AUTS2: variants seen among roughly 807,000 people sequenced by gnomAD.
AUTS2 encodes the protein activator of transcription and developmental regulator AUTS2, also known as autism susceptibility gene 2 protein.
Under a neutral mutation model 112.4 loss-of-function variants are expected in AUTS2, and 17 were observed. That is an observed-to-expected ratio of 0.15 (90% CI 0.10 to 0.23). The LOEUF is 0.23. Ranked by LOEUF, AUTS2 falls within the 10% of genes least tolerant of loss-of-function variation. The probability of loss-of-function intolerance (pLI) is 1.00; values close to 1 mark genes in which losing one functional copy is unlikely to be tolerated. For synonymous variants in AUTS2, 751 were observed against 702.7 expected, an observed-to-expected ratio of 1.07 and a Z score of -1.09; for missense variants, 1,510 against 1,701.6, an observed-to-expected ratio of 0.89 and a Z score of 1.98.
intron 1 of AUTS2, among the ~76,000 whole-genome samples, chr7:69,671,712 T>G (rs1796338181): frequency 6.6e-6 from 1 of 152,184 alleles, no homozygotes; most frequent in African/African-American, 2.4e-5. Context: ...GACAATTAGT[T>G]TTGTCTCTCT....
chr7:69,713,210 TCATA>T (rs1562829626), intron 1 of AUTS2, among the ~76,000 whole-genome samples: 1 of 152,190 alleles, frequency 6.6e-6, no homozygotes, highest in Non-Finnish European at 1.5e-5. Context: ...ATCTACCACC[TCATA>T]CATTTATCGT....
intron 10 of AUTS2, chr7:70,771,255 A>G (rs1790318260): frequency 4.7e-6 from 1 of 212,284 alleles, no homozygotes; most frequent in African/African-American, 2.3e-5. Flanking sequence ...ATCTCCAATC[A>G]TTTAGGACTT....
intron 5 of AUTS2, among the ~76,000 whole-genome samples, chr7:70,616,668 A>C (rs1804383965): frequency 6.6e-6 from 1 of 152,132 alleles, no homozygotes; most frequent in Non-Finnish European, 1.5e-5. Context: ...ACGAGTGGTC[A>C]GGGTTAAAAA....
At chr7:69,868,469 C>T (rs185646121) in intron 1 of AUTS2, among the ~76,000 whole-genome samples, 77 of 152,210 alleles carry the variant, frequency 5.1e-4, no homozygotes, top group African/African-American at 1.7e-3. Context: ...ACAGTAAATT[C>T]TTGATTGAGC....
At chr7:69,688,474 ATGTT>A (rs1797158043) in intron 1 of AUTS2, among the ~76,000 whole-genome samples, 2 of 152,180 alleles carry the variant, frequency 1.3e-5, no homozygotes, top group Non-Finnish European at 2.9e-5. Flanking sequence ...AAGAGGGTTC[ATGTT>A]TGTTTATTTC....
chr7:70,168,629 A>G (rs186276555), intron 4 of AUTS2, among the ~76,000 whole-genome samples: 5 of 152,306 alleles, frequency 3.3e-5, no homozygotes, highest in Non-Finnish European at 5.9e-5. Flanking sequence ...CTCTGCTTTT[A>G]AAGAAGCAGA....
At chr7:70,615,108 CT>C (rs1804287991) in intron 5 of AUTS2, among the ~76,000 whole-genome samples, 1 of 152,222 alleles carries the variant, frequency 6.6e-6, no homozygotes, top group Non-Finnish European at 1.5e-5. Flanking sequence ...ACCATTTCCC[CT>C]GTCGTCTTTT....
At chr7:70,369,131 G>A (rs528791444) in intron 4 of AUTS2, among the ~76,000 whole-genome samples, 2 of 152,236 alleles carry the variant, frequency 1.3e-5, no homozygotes, top group East Asian at 3.9e-4. Context: ...AACGCACAAA[G>A]AACAGGCTTT....
chr7:70,168,613 G>A (rs901745548), intron 4 of AUTS2, among the ~76,000 whole-genome samples: 1 of 152,144 alleles, frequency 6.6e-6, no homozygotes, highest in Non-Finnish European at 1.5e-5. Context: ...CAGTGCACCT[G>A]GCCTGCTCTG....
At chr7:70,104,203 A>G (rs1274981628) in intron 2 of AUTS2, among the ~76,000 whole-genome samples, 5 of 150,030 alleles carry the variant, frequency 3.3e-5, no homozygotes, top group Admixed American at 2.0e-4. Flanking sequence ...CAGCAGCTCA[A>G]TGAGGGTTTC....
intron 1 of AUTS2, among the ~76,000 whole-genome samples, chr7:69,751,816 C>T (rs1052394930): frequency 6.6e-6 from 1 of 152,124 alleles, no homozygotes; most frequent in South Asian, 2.1e-4. Context: ...AGTGGCTGAA[C>T]GTGACCTTGG....
chr7:69,712,303 A>G (rs1323302845), intron 1 of AUTS2, among the ~76,000 whole-genome samples: 1 of 152,202 alleles, frequency 6.6e-6, no homozygotes, highest in Non-Finnish European at 1.5e-5. Flanking sequence ...GTTGTCCATG[A>G]AACCATCTCA....
chr7:69,980,734 A>G (rs1303444966), intron 2 of AUTS2, among the ~76,000 whole-genome samples: 1 of 152,188 alleles, frequency 6.6e-6, no homozygotes, highest in Non-Finnish European at 1.5e-5. Context: ...GGAATTAAAA[A>G]AAAAATTGAT....
chr7:69,816,733 G>T (rs1448666212), intron 1 of AUTS2, among the ~76,000 whole-genome samples: 2 of 152,180 alleles, frequency 1.3e-5, no homozygotes, highest in Admixed American at 6.5e-5. Flanking sequence ...TTGTAGATAT[G>T]AGGGCCAGAG....
chr7:70,633,503 C>T (rs988160019), intron 5 of AUTS2, among the ~76,000 whole-genome samples: 2 of 149,932 alleles, frequency 1.3e-5, no homozygotes, highest in African/African-American at 2.5e-5. Flanking sequence ...CCCAGCTGCT[C>T]GGGAGGCTGA....
intron 5 of AUTS2, among the ~76,000 whole-genome samples, chr7:70,475,077 T>G (rs1319887399): frequency 1.3e-5 from 2 of 152,230 alleles, no homozygotes; most frequent in African/African-American, 4.8e-5. Context: ...CCTGGATCTC[T>G]GCCCAGGGGC....
chr7:69,792,666 C>T (rs1352304521), intron 1 of AUTS2, among the ~76,000 whole-genome samples: 1 of 152,052 alleles, frequency 6.6e-6, no homozygotes, highest in Non-Finnish European at 1.5e-5. Context: ...CAGAGTGTCC[C>T]TTTTTTTCCA....
intron 1 of AUTS2, among the ~76,000 whole-genome samples, chr7:69,872,394 G>T (rs1417544596): frequency 3.9e-5 from 6 of 152,022 alleles, no homozygotes. Flanking sequence ...TCCTTTTCTT[G>T]TCATGTTGGA....
In AUTS2 at chr7:69,899,341, C is replaced by T; in HGVS notation, c.365C>T (p.Thr122Ile). The T allele has an allele frequency of 1.9e-6, 3 of 1,614,032 alleles. No individual in the cohort carries two copies. The highest frequency in any genetic ancestry group is 2.5e-6 in the Non-Finnish European group (3 of 1,179,946). ...ERVEKRQTPL[T>I]KKKREALTNG... ...GTGGAGAAACGCCAGACGCCCCTGA[C>T]CAAGAAGAAACGAGAAGCACTTACC... is the stretch of plus-strand genomic sequence containing the variant. Residue 122 changes from threonine to isoleucine, a missense_variant, in exon 2 of 19, where the codon ACC (threonine) becomes ATC (isoleucine). Physicochemically the swap from Thr to Ile is moderately conservative, Grantham distance 89. Transcript: ENST00000342771.
Sources: allele counts gnomAD v4.1 joint callset (sites outside exome capture counted in the v4.1 genomes callset), GRCh38; gene constraint gnomAD v4.1.1; transcripts MANE v1.5; gene names NCBI Gene and HGNC (gene_info 2026-07-23, HGNC 2026-07-21).